Variants in CLSPN observed in about 807,000 individuals in gnomAD.
The protein encoded by CLSPN is claspin, also known as claspin homolog.
CLSPN carries 85 observed loss-of-function variants against 156.3 expected under a neutral mutation model. That is an observed-to-expected ratio of 0.54 (90% CI 0.46 to 0.65). The LOEUF is 0.65. Among genes scored for constraint, CLSPN ranks in the 30% least tolerant of loss-of-function variants. The probability of loss-of-function intolerance (pLI) is 0.00; values close to 1 mark genes in which losing one functional copy is unlikely to be tolerated. For synonymous variants in CLSPN, 534 were observed against 542.4 expected (o/e 0.98, Z 0.22); for missense variants, 1,407 against 1,554.9 (o/e 0.90, Z 1.60).
chr1:35,763,774 T>C (rs1642565746), intron 3 of CLSPN, among the ~76,000 whole-genome samples: 1 of 150,652 alleles, frequency 6.6e-6, no homozygotes, highest in Non-Finnish European at 1.5e-5. Flanking sequence ...ATAAGACCAA[T>C]AAGTTTTGTT....
intron 16 of CLSPN, 83 bp from the exon 17 acceptor site, chr1:35,743,613 T>G: frequency 8.7e-7 from 1 of 1,143,470 alleles, no homozygotes; most frequent in South Asian, 1.3e-5. Flanking sequence ...TTAAAAAAAA[T>G]TTTGTGTGTG....
At position 35,739,136 on chromosome 1, in the gene CLSPN, CTA is replaced by C; in HGVS notation, c.3428_3429del (p.Ile1143ArgfsTer2). On this transcript the variant is annotated frameshift_variant and splice_region_variant, in exon 20 of 25. Coordinates refer to ENST00000318121, the MANE Select transcript of CLSPN (RefSeq NM_022111.4). LOFTEE classifies it high-confidence loss of function. ...CTTTTAAAGACAACAACCAAGATAC[CTA>C]TGTTTTTCCATCGAAACTTCCTCAT... Reference protein sequence around the residue: ...GRMRKFRWKNIDDASQMDLFH... With the variant: ...GRMRKFRWKNXDDASQMDLFH... 6.2e-7 allele frequency: 1 copy of C among 1,614,152 alleles called. No individual in the cohort carries two copies. Among genetic ancestry groups the C allele is most frequent in the Non-Finnish European group, 8.5e-7 (1 of 1,180,038 alleles).
chr1:35,723,635 G>A (rs1185899003), intron 24 of CLSPN, among the ~76,000 whole-genome samples: 1 of 152,208 alleles, frequency 6.6e-6, no homozygotes, highest in Non-Finnish European at 1.5e-5. Flanking sequence ...GCCAGGTACT[G>A]TGTTGGGAAT....
In CLSPN at chr1:35,763,170, T is replaced by C; in HGVS notation, c.734A>G (p.Lys245Arg). Residue 245 changes from lysine to arginine, a missense_variant, in exon 4 of 25, where the codon AAA (lysine) becomes AGA (arginine). Transcript: ENST00000318121. ...TCATGCTTTACTTGCCTTGTGCTTT[T>C]TTACTTTGTTTTTTACAGCTGCTCT... is the stretch of plus-strand genomic sequence containing the variant. ...SIRAAVKNKV[K>R]KHKKKEPSLE... 6.4e-7 allele frequency: 1 copy of C among 1,572,794 alleles called. No homozygotes were observed. Among genetic ancestry groups the C allele is most frequent in the Admixed American group, 2.0e-5 (1 of 51,232 alleles).
At position 35,746,153 on chromosome 1, in the gene CLSPN, C is replaced by T. The variant is rs1388944289; in HGVS notation, c.2855-591G>A. On this transcript the variant is annotated intron_variant, in intron 15 of 24. Transcript: ENST00000318121. This position sits in a 1 kb window ranked among gnomAD's most constrained non-coding sequence, Gnocchi z 4.2. The stretch of plus-strand genomic sequence containing the variant: ...TAGAGACGGGGTTTCACCGTGCTGC[C>T]CAGGCTGGTGGCGAACTCCTGAGCT... Among the ~76,000 whole-genome samples the T allele has an allele frequency of 6.6e-6, 1 of 151,956 alleles. No individual in the cohort carries two copies. Among genetic ancestry groups the T allele is most frequent in the African/African-American group, 2.4e-5 (1 of 41,376 alleles).
At chr1:35,749,437 G>T in intron 12 of CLSPN, 30 bp downstream of exon 12, 1 of 1,605,340 alleles carries the variant, frequency 6.2e-7, no homozygotes, top group African/African-American at 1.3e-5. Context: ...CAAAAGAAAT[G>T]TTAAGTTCTG....
chr1:35,730,567 T>TAAAAAAAAAAAAAAAAAAA (rs56320150), downstream of CLSPN, among the ~76,000 whole-genome samples: 1 of 62,026 alleles, frequency 1.6e-5, no homozygotes, highest in Non-Finnish European at 3.0e-5. Flanking sequence ...GAATCCATAT[T>TAAAAAAAAAAAAAAAAAAA]AAAAAAAAAA....
chr1:35,767,043 G>A (rs761457285), intron 1 of CLSPN, among the ~76,000 whole-genome samples: 18 of 151,984 alleles, frequency 1.2e-4, no homozygotes, highest in Non-Finnish European at 2.2e-4. Flanking sequence ...CACCACAACC[G>A]GCCCTGTATA....
chr1:35,723,530 G>T (rs1641118821), intron 24 of CLSPN, among the ~76,000 whole-genome samples: 1 of 152,146 alleles, frequency 6.6e-6, no homozygotes, highest in African/African-American at 2.4e-5. Context: ...GGAAGAAAGG[G>T]GTGGGTAAGA....
intron 23 of CLSPN, 81 bp from the exon 24 acceptor site, chr1:35,737,156 T>G: frequency 7.0e-7 from 1 of 1,430,674 alleles, no homozygotes; most frequent in Non-Finnish European, 9.8e-7. Flanking sequence ...TGCTTCCCCC[T>G]AGATATTGAG....
chr1:35,764,508 A>G lies in CLSPN; in HGVS notation c.340T>C (p.Tyr114His), dbSNP rs1642601068. 1.2e-6 allele frequency: 2 copies of G among 1,613,886 alleles called. No homozygotes were observed. The highest frequency in any genetic ancestry group is 1.3e-5 in the African/African-American group (1 of 74,916). ...YKTVADSDES[Y>H]MEKSLYQENL... ...TCCTGATACAAAGACTTTTCCATGT[A>G]ACTTTCATCACTGTCTGCCACAGTT... Residue 114 changes from tyrosine to histidine, a missense_variant, in exon 3 of 25, where the codon TAC becomes CAC. Physicochemically the swap from Tyr to His is moderately conservative, Grantham distance 83 (BLOSUM62 2). Around this residue, in one of 3 missense-constraint regions of CLSPN, gnomAD observed 1,096 missense variants for 1,193.0 expected, o/e 0.92. Transcript: ENST00000318121.
At position 35,753,837 on chromosome 1, in the gene CLSPN, A is replaced by C; in HGVS notation, c.1679T>G (p.Met560Arg). The C allele has an allele frequency of 6.2e-7, 1 of 1,614,166 alleles. No individual in the cohort carries two copies. The highest frequency in any genetic ancestry group is 8.5e-7 in the Non-Finnish European group (1 of 1,180,036). Residue 560 changes from methionine (M) to arginine (R), a missense_variant, in exon 9 of 25, where the codon ATG (methionine) becomes AGG (arginine). Transcript: ENST00000318121. ...TAGCTCTTCCTTTCCATCAGTGCCCATGTCTTTCACTATGACGTTCACATT... is the reference window on the plus strand; with the variant it reads ...TAGCTCTTCCTTTCCATCAGTGCCCCTGTCTTTCACTATGACGTTCACATT... ...TVNVNVIVKD[M>R]GTDGKEELKA...
chr1:35,768,601 G>A (rs1571227802), intron 1 of CLSPN, among the ~76,000 whole-genome samples: 1 of 151,200 alleles, frequency 6.6e-6, no homozygotes, highest in South Asian at 2.1e-4. Context: ...TTGTAGAGGC[G>A]GGGTTTTGCC....
intron 8 of CLSPN, among the ~76,000 whole-genome samples, chr1:35,756,245 A>G (rs915741801): frequency 2.6e-5 from 4 of 152,356 alleles, no homozygotes; most frequent in African/African-American, 9.6e-5. Context: ...AGTAAAGCTG[A>G]AAGCAACAGG....
intron 24 of CLSPN, 95 bp from the exon 25 acceptor site, chr1:35,736,701 T>C (rs569458623): frequency 1.4e-5 from 20 of 1,480,932 alleles, no homozygotes; most frequent in Middle Eastern, 2.2e-4. Context: ...TTGTGGATGA[T>C]TAACAACAGA....
chr1:35,735,097 A>G lies in CLSPN; in HGVS notation c.*1399T>C. On this transcript the variant is annotated 3_prime_UTR_variant, in exon 25 of 25. Coordinates refer to ENST00000318121, the MANE Select transcript of CLSPN (RefSeq NM_022111.4). ...CAGAAGAATGCAATAAATAAGGGTT[A>G]TGTTTCTTCTTGTCAGACCCAGAAG... 1.0e-6 allele frequency: 1 copy of G among 985,448 alleles called. No homozygotes were observed. The highest frequency in any genetic ancestry group is 4.7e-5 in the South Asian group (1 of 21,288). The allele number at this position is 985,448 out of a possible 1,614,324, so 61.0% of individuals were successfully genotyped here.
chr1:35,749,895 G>A (rs1557512810), intron 10 of CLSPN, 84 bp from the exon 11 acceptor site: 11 of 1,435,390 alleles, frequency 7.7e-6, no homozygotes, highest in Non-Finnish European at 9.4e-6. Flanking sequence ...AAATATGGCT[G>A]ATTGGTTACA....
chr1:35,767,590 G>T (rs184509191), intron 1 of CLSPN, among the ~76,000 whole-genome samples: 19 of 152,238 alleles, frequency 1.2e-4, no homozygotes, highest in Non-Finnish European at 1.2e-4. Flanking sequence ...CTTCATGCAC[G>T]AAATTATTTT....
chr1:35,728,542 A>C (rs1340554222), downstream of CLSPN, among the ~76,000 whole-genome samples: 3 of 152,148 alleles, frequency 2.0e-5, no homozygotes, highest in Non-Finnish European at 4.4e-5. Flanking sequence ...GTTGATGATA[A>C]GTTCTTCCCT....
Sources: gnomAD v4.1 joint callset for allele counts (sites outside exome capture counted in the v4.1 genomes callset) on GRCh38, gnomAD v4.1.1 for gene constraint, gnomAD v4.1.1 regional missense constraint, Gnocchi (gnomAD v3.1) non-coding constraint, MANE v1.5 for transcripts, NCBI Gene and HGNC (gene_info 2026-07-23, HGNC 2026-07-21) for gene names.